WDR89: variants seen among roughly 807,000 people sequenced by gnomAD.
WDR89 encodes WD repeat-containing protein 89.
Under a neutral mutation model 29.1 loss-of-function variants are expected in WDR89, and 17 were observed. The observed-to-expected ratio is 0.58, with a 90% CI of 0.40 to 0.88. WDR89 has a LOEUF of 0.88. WDR89 is among the 40% of genes least tolerant of loss of function. The pLI is 0.00. For missense variants in WDR89, 396 were observed against 456.3 expected (o/e 0.87, Z 1.20); for synonymous variants, 138 against 157.8 (o/e 0.87, Z 0.94).
In WDR89 at chr14:63,639,472, G is replaced by A. The variant is rs138900918; in HGVS notation, c.-138+2332C>T. The stretch of plus-strand genomic sequence containing the variant: ...AAAAAAAAAGAAAGAAACAAAGGCA[G>A]AAAGAATAAATGTGTGTTATTCGAA... On this transcript the variant is annotated intron_variant, in intron 1 of 2. Transcript: ENST00000620954. 9.3e-3 allele frequency among the ~76,000 whole-genome samples: 1,394 copies of A among 150,012 alleles called. 7 individuals are homozygous for A. The highest frequency in any genetic ancestry group is 0.015 in the Non-Finnish European group (983 of 67,598).
chr14:63,616,051 T>G (rs1037970007), intron 2 of WDR89, among the ~76,000 whole-genome samples: 2 of 152,114 alleles, frequency 1.3e-5, no homozygotes, highest in African/African-American at 4.8e-5. Flanking sequence ...GAGACCAGCT[T>G]AGGCAACATG....
chr14:63,607,982 C>T (rs1881695513), intron 2 of WDR89, among the ~76,000 whole-genome samples: 2 of 151,594 alleles, frequency 1.3e-5, no homozygotes, highest in Non-Finnish European at 1.5e-5. Flanking sequence ...CCAAGGCGGG[C>T]AGATCACGAG....
At chr14:63,600,639 G>C (rs1457058620) in intron 2 of WDR89, among the ~76,000 whole-genome samples, 2 of 137,338 alleles carry the variant, frequency 1.5e-5, no homozygotes, top group Non-Finnish European at 3.1e-5. Context: ...GGATTGGCAA[G>C]GATCTCCACT....
chr14:63,633,135 T>A (rs534660445), intron 1 of WDR89, among the ~76,000 whole-genome samples: 13 of 152,096 alleles, frequency 8.5e-5, no homozygotes, highest in African/African-American at 2.9e-4. Context: ...GGTGGGAGTA[T>A]AGAGAATGTT....
rs1484191093 is a variant in WDR89, at chr14:63,599,775, A to G, written c.168T>C (p.Asp56=). The change falls in exon 3 of 3, where the codon GAT becomes GAC. Residue 56 remains aspartate, a synonymous_variant. Transcript: ENST00000620954. ...CTCGTAGTACATTTAACCTTTCTTT[A>G]TCATATATTCTGATTGATCCATTAG... ...LCSNGSIRIY[D]KERLNVLREF... 1.2e-6 allele frequency: 2 copies of G among 1,614,160 alleles called. No individual in the cohort carries two copies. Among genetic ancestry groups the G allele is most frequent in the African/African-American group, 1.3e-5 (1 of 75,050 alleles).
At chr14:63,605,164 CTCTATA>C (rs1895254976) in intron 2 of WDR89, among the ~76,000 whole-genome samples, 1 of 133,720 alleles carries the variant, frequency 7.5e-6, no homozygotes, top group Non-Finnish European at 1.5e-5. Context: ...CTCTCTCTCT[CTCTATA>C]TATATATATA....
intron 2 of WDR89, among the ~76,000 whole-genome samples, chr14:63,609,875 C>T (rs1243157010): frequency 6.6e-6 from 1 of 152,076 alleles, no homozygotes; most frequent in Admixed American, 6.6e-5. Flanking sequence ...GACTGTGTTT[C>T]ACTGCCCAAG....
At chr14:63,604,231 C>A (rs1895211621) in intron 2 of WDR89, among the ~76,000 whole-genome samples, 1 of 152,112 alleles carries the variant, frequency 6.6e-6, no homozygotes, top group African/African-American at 2.4e-5. Context: ...TCGAGACCAG[C>A]CTGGGCAACA....
chr14:63,640,697 C>T (rs1338680279), intron 1 of WDR89, among the ~76,000 whole-genome samples: 1 of 150,968 alleles, frequency 6.6e-6, no homozygotes, highest in African/African-American at 2.4e-5. Context: ...AGGCTGGTCT[C>T]GAACTCCTGA....
At position 63,599,139 on chromosome 14, in the gene WDR89, G is replaced by A; in HGVS notation, c.804C>T (p.Asn268=). Residue 268 remains asparagine, a synonymous_variant, in exon 3 of 3, where the codon AAC becomes AAT. Transcript: ENST00000620954. ...LNIQDVREVV[N]MKEDALDYLI... is the part of the protein sequence containing the mutation. ...AATAGTCCAAAGCATCTTCTTTCAT[G>A]TTAACTACTTCTCTGACATCCTGGA... 1.9e-6 allele frequency: 3 copies of A among 1,613,766 alleles called. No individual in the cohort carries two copies. Among genetic ancestry groups the A allele is most frequent in the Middle Eastern group, 1.6e-4 (1 of 6,062 alleles).
intron 2 of WDR89, among the ~76,000 whole-genome samples, chr14:63,610,712 T>TC (rs964797190): frequency 6.7e-6 from 1 of 149,166 alleles, no homozygotes; most frequent in African/African-American, 2.5e-5. Flanking sequence ...CTTTTTTTTT[T>TC]TTTTTTTTGA....
intron 2 of WDR89, chr14:63,622,001 A>G (rs1429843738): frequency 6.6e-6 from 1 of 152,240 alleles, no homozygotes; most frequent in Non-Finnish European, 1.5e-5. Context: ...GATTGACATA[A>G]AGAAATAAAG....
intron 1 of WDR89, among the ~76,000 whole-genome samples, chr14:63,631,105 A>G (rs1460083878): frequency 6.6e-6 from 1 of 152,208 alleles, no homozygotes; most frequent in East Asian, 1.9e-4. Context: ...GGACTGTTGC[A>G]TGTTCTCACC....
At chr14:63,640,109 C>T (rs1199229645) in intron 1 of WDR89, among the ~76,000 whole-genome samples, 1 of 152,152 alleles carries the variant, frequency 6.6e-6, no homozygotes, top group African/African-American at 2.4e-5. Flanking sequence ...GGAAAGTATT[C>T]CTGAATACTG....
Position 63,629,476 on chromosome 14 carries a change from A to G in WDR89, c.-137-4443T>C, listed in dbSNP as rs191223468. ...TGAATGATAGCAAAGTCTGACAATC[A>G]GTGGTTCTTCCTTTCTCCCTCAGGA... On this transcript the variant is annotated intron_variant, in intron 1 of 2. Transcript: ENST00000620954. 8.4e-4 allele frequency among the ~76,000 whole-genome samples: 128 copies of G among 152,348 alleles called. No individual in the cohort carries two copies. The Middle Eastern group carries it at 0.014, about 16-fold the overall frequency.
At chr14:63,625,667 G>T (rs1308955877) in intron 1 of WDR89, among the ~76,000 whole-genome samples, 2 of 152,068 alleles carry the variant, frequency 1.3e-5, no homozygotes, top group Non-Finnish European at 2.9e-5. Context: ...GAGTGTTGGT[G>T]GCACAGATGT....
intron 1 of WDR89, among the ~76,000 whole-genome samples, chr14:63,633,018 T>C (rs1473754424): frequency 6.6e-6 from 1 of 152,144 alleles, no homozygotes; most frequent in African/African-American, 2.4e-5. Flanking sequence ...ATGTTTCAGT[T>C]TCCTGTAGTT....
chr14:63,622,928 C>A (rs1464231788), intron 2 of WDR89, among the ~76,000 whole-genome samples: 1 of 151,988 alleles, frequency 6.6e-6, no homozygotes, highest in African/African-American at 2.4e-5. Context: ...GGGCCAGGCA[C>A]AGTGGCTCAC....
intron 1 of WDR89, among the ~76,000 whole-genome samples, chr14:63,626,076 T>A (rs941297686): frequency 6.6e-6 from 1 of 151,854 alleles, no homozygotes; most frequent in African/African-American, 2.4e-5. Flanking sequence ...ATGGTCTCAA[T>A]CTCCTGACCT....
Sources: gnomAD v4.1 joint callset for allele counts (sites outside exome capture counted in the v4.1 genomes callset) on GRCh38, gnomAD v4.1.1 for gene constraint, MANE v1.5 for transcripts, NCBI Gene and HGNC (gene_info 2026-07-23, HGNC 2026-07-21) for gene names.